RBM47: variants seen among roughly 807,000 people sequenced by gnomAD.
The protein encoded by RBM47 is RNA binding motif protein 47.
In RBM47, 21 loss-of-function variants were observed where a neutral mutation model predicts 47.1. The ratio of observed to expected loss-of-function variants is 0.45; its 90% CI spans 0.32 to 0.64. The LOEUF (loss-of-function observed/expected upper bound fraction) is 0.64, where lower values mean the gene tolerates loss of function less well. RBM47 is among the 30% of genes least tolerant of loss of function. RBM47 has a pLI of 0.05. For missense variants in RBM47, 708 were observed against 870.9 expected, an observed-to-expected ratio of 0.81 and a Z score of 2.35; for synonymous variants, 375 against 361.7, an observed-to-expected ratio of 1.04 and a Z score of -0.42.
intron 6 of RBM47, chr4:40,426,920 G>A (rs1715145539): frequency 6.6e-6 from 1 of 152,090 alleles, no homozygotes; most frequent in South Asian, 2.1e-4. Flanking sequence ...AGGCAGCGGA[G>A]AATCTACCAT....
rs915423922 is a variant in RBM47, at chr4:40,423,910, A to G, written c.*1994T>C. On this transcript the variant is annotated 3_prime_UTR_variant, in exon 7 of 7. Coordinates refer to ENST00000295971, the MANE Select transcript of RBM47 (RefSeq NM_001098634.2). ...CGAATTACATTTTGTCGAGTCACTC[A>G]TTCCCACAGATTTGAGTTTGAATGC... 27 of 152,538 alleles carry G rather than the reference A, an allele frequency of 1.8e-4. No individual in the cohort carries two copies. Among genetic ancestry groups the G allele is most frequent in the African/African-American group, 5.3e-4 (22 of 41,430 alleles). 9.4% of individuals were successfully genotyped at this position (152,538 alleles called of 1,614,324 possible). A position where few individuals can be genotyped will look rare whatever the true frequency, so the allele number is the denominator to read the frequency against.
intron 1 of RBM47, among the ~76,000 whole-genome samples, chr4:40,597,744 GATT>G (rs1475455188): frequency 6.6e-6 from 1 of 152,152 alleles, no homozygotes; most frequent in Non-Finnish European, 1.5e-5. Flanking sequence ...TTGCAGAAAT[GATT>G]ATGTTAGTAA....
chr4:40,472,014 T>A (rs1239656259), intron 2 of RBM47, among the ~76,000 whole-genome samples: 1 of 152,210 alleles, frequency 6.6e-6, no homozygotes, highest in African/African-American at 2.4e-5. Flanking sequence ...TTGAACCATA[T>A]GAAATTGCTA....
At chr4:40,523,863 C>A (rs1213647066) in intron 2 of RBM47, among the ~76,000 whole-genome samples, 102 of 133,092 alleles carry the variant, frequency 7.7e-4, no homozygotes, top group South Asian at 1.3e-3. Flanking sequence ...AGCCCTGTCT[C>A]AAAAAAAAAA....
rs1215238363 is a variant in RBM47 at position 40,583,391 on chromosome 4, A to G, written c.-239-38885T>C. 6.5e-4 allele frequency among the ~76,000 whole-genome samples: 18 copies of G among 27,890 alleles called. 1 individual carries two copies. The highest frequency in any genetic ancestry group is 1.6e-3 in the Admixed American group (4 of 2,514). The allele number at this position is 27,890 out of a possible 152,430, so 18.3% of individuals were successfully genotyped here. ...ATCACGCCACTACTCCATCTCAGAA[A>G]AAAAAAAAAAAAAAAAAAAAAAAGG... is the stretch of plus-strand genomic sequence containing the variant. On this transcript the variant is annotated intron_variant, in intron 1 of 6. Transcript: ENST00000295971.
chr4:40,627,476 T>C (rs1272754903), intron 1 of RBM47, among the ~76,000 whole-genome samples: 1 of 152,222 alleles, frequency 6.6e-6, no homozygotes, highest in Non-Finnish European at 1.5e-5. Context: ...ACTTAAGATG[T>C]GGAGGCGGAA....
rs576632107 is a variant in RBM47, at chr4:40,500,972, A to G, written c.-154-34273T>C. The stretch of plus-strand genomic sequence containing the variant: ...CTGAATTTCAAATTCTAAGGTTTGA[A>G]AAAATATCTGCAAGTCAATATTTAA... On this transcript the variant is annotated intron_variant, in intron 2 of 6. Transcript: ENST00000295971. 6.2e-4 allele frequency among the ~76,000 whole-genome samples: 94 copies of G among 152,300 alleles called. 1 individual carries two copies. The highest frequency in any genetic ancestry group is 6.8e-3 in the Middle Eastern group (2 of 294).
At chr4:40,449,422 G>C (rs1255008345) in intron 3 of RBM47, among the ~76,000 whole-genome samples, 2 of 152,206 alleles carry the variant, frequency 1.3e-5, no homozygotes, top group African/African-American at 4.8e-5. Flanking sequence ...GTTGATGATT[G>C]TACAGATTTT....
At chr4:40,617,657 T>C (rs1736874634) in intron 1 of RBM47, among the ~76,000 whole-genome samples, 1 of 151,144 alleles carries the variant, frequency 6.6e-6, no homozygotes, top group Non-Finnish European at 1.5e-5. Flanking sequence ...TATATACATG[T>C]ACTTTATATT....
Position 40,426,069 on chromosome 4 carries a change from G to C in RBM47, c.1617C>G (p.Ala539=). The C allele has an allele frequency of 6.2e-7, 1 of 1,614,230 alleles. No individual in the cohort carries two copies. ...QRIPTAGIYG[A]SYVPFAAPAT... ...CTGGAGCAGCAAATGGCACGTAACT[G>C]GCCCCGTAGATCCCGGCAGTAGGAA... Residue 539 remains alanine, a synonymous_variant, in exon 7 of 7, where the codon GCC becomes GCG. Coordinates refer to ENST00000295971, the MANE Select transcript of RBM47 (RefSeq NM_001098634.2).
At chr4:40,426,988 T>C (rs749639773) in intron 6 of RBM47, 1 of 152,138 alleles carries the variant, frequency 6.6e-6, no homozygotes, top group Non-Finnish European at 1.5e-5. Flanking sequence ...ACATGGCCTC[T>C]AGATACATGC....
At chr4:40,553,012 G>A (rs1488303915) in intron 1 of RBM47, among the ~76,000 whole-genome samples, 1 of 151,542 alleles carries the variant, frequency 6.6e-6, no homozygotes, top group East Asian at 1.9e-4. Flanking sequence ...CTGTCACCCA[G>A]GCTGGAGTGC....
chr4:40,610,825 G>A lies in RBM47; in HGVS notation c.-240+18571C>T, dbSNP rs1048143053. Among the ~76,000 whole-genome samples, 6 of 152,136 alleles carry A rather than the reference G, an allele frequency of 3.9e-5. No homozygotes were observed. In the East Asian group the frequency reaches 1.2e-3, roughly 29 times the overall value. On this transcript the variant is annotated intron_variant, in intron 1 of 6. Transcript: ENST00000295971. ...AGTGAATAAGTGTCACCAGATCTGA[G>A]GGGTTTATGAGGGGTTTCTGCTTTC...
intron 1 of RBM47, among the ~76,000 whole-genome samples, chr4:40,629,115 A>G (rs1482000803): frequency 6.6e-6 from 1 of 152,170 alleles, no homozygotes; most frequent in Non-Finnish European, 1.5e-5. Context: ...GAGTGAAAAA[A>G]AAAAATCAGT....
intron 2 of RBM47, among the ~76,000 whole-genome samples, chr4:40,504,699 T>A (rs956458019): frequency 2.0e-5 from 3 of 152,232 alleles, no homozygotes; most frequent in African/African-American, 4.8e-5. Flanking sequence ...TCAGCTTCTA[T>A]GATAAGGCCT....
chr4:40,496,363 C>CAA (rs1491034342), intron 2 of RBM47, among the ~76,000 whole-genome samples: 3 of 93,802 alleles, frequency 3.2e-5, no homozygotes, highest in African/African-American at 1.0e-4. Context: ...CACACACACA[C>CAA]AAAGAGAGAA....
chr4:40,600,392 T>C (rs1560498143), intron 1 of RBM47, among the ~76,000 whole-genome samples: 1 of 151,202 alleles, frequency 6.6e-6, no homozygotes, highest in Non-Finnish European at 1.5e-5. Context: ...CCCAGCACTT[T>C]GGGAGGCCAA....
intron 1 of RBM47, among the ~76,000 whole-genome samples, chr4:40,571,647 C>A (rs35320617): frequency 0.035 from 5,324 of 151,828 alleles, 333 homozygotes; most frequent in African/African-American, 0.12. Flanking sequence ...GAGGAGGGTG[C>A]GGGATAAAAG....
chr4:40,554,138 C>T (rs1339157803), intron 1 of RBM47, among the ~76,000 whole-genome samples: 1 of 152,098 alleles, frequency 6.6e-6, no homozygotes, highest in Non-Finnish European at 1.5e-5. Context: ...GGGATTGCGC[C>T]CAGGGAACGA....
Sources: allele counts gnomAD v4.1 joint callset (sites outside exome capture counted in the v4.1 genomes callset), GRCh38; gene constraint gnomAD v4.1.1; transcripts MANE v1.5; gene names NCBI Gene and HGNC (gene_info 2026-07-23, HGNC 2026-07-21).